The following SLC30A5 variants were observed in gnomAD, a reference collection of about 807,000 sequenced individuals.
SLC30A5 encodes the protein proton-coupled zinc antiporter SLC30A5.
In SLC30A5, 33 loss-of-function variants were observed where a neutral mutation model predicts 79.6. The ratio of observed to expected loss-of-function variants is 0.41; its 90% CI spans 0.31 to 0.55. The LOEUF (loss-of-function observed/expected upper bound fraction) is 0.55, where lower values mean the gene tolerates loss of function less well. Among genes scored for constraint, SLC30A5 ranks in the 20% least tolerant of loss-of-function variants. SLC30A5 has a pLI of 0.20. For missense variants in SLC30A5, 788 were observed against 928.1 expected (o/e 0.85, Z 1.96); for synonymous variants, 299 against 319.7 (o/e 0.94, Z 0.69).
intron 1 of SLC30A5, among the ~76,000 whole-genome samples, chr5:69,096,439 G>A (rs1745733865): frequency 6.6e-6 from 1 of 152,134 alleles, no homozygotes; most frequent in Non-Finnish European, 1.5e-5. Context: ...TATTTTATTT[G>A]TACTACTTAC....
At chr5:69,122,729 A>T (rs574094791) in intron 13 of SLC30A5, among the ~76,000 whole-genome samples, 60 of 152,352 alleles carry the variant, frequency 3.9e-4, no homozygotes, top group African/African-American at 1.4e-3. Flanking sequence ...AGTCCTTTTC[A>T]TAGTGACAGC....
chr5:69,119,227 A>ACTTTTTTTCTTTCTTTTTTT (rs1561296605), intron 12 of SLC30A5, among the ~76,000 whole-genome samples: 1 of 150,732 alleles, frequency 6.6e-6, no homozygotes, highest in Non-Finnish European at 1.5e-5. Flanking sequence ...TATGTGAAAT[A>ACTTTTTTTCTTTCTTTTTTT]CTTTTTTTCT....
At chr5:69,096,563 C>A (rs182051193) in intron 1 of SLC30A5, among the ~76,000 whole-genome samples, 1 of 152,046 alleles carries the variant, frequency 6.6e-6, no homozygotes, top group African/African-American at 2.4e-5. Flanking sequence ...AGGTCCTGGA[C>A]GGAAAATGTG....
chr5:69,104,744 G>A (rs766994157), intron 4 of SLC30A5, 28 bp downstream of exon 4: 11 of 1,591,360 alleles, frequency 6.9e-6, no homozygotes, highest in Non-Finnish European at 9.4e-6. Context: ...TTTTGAATGT[G>A]TGTTTGTATT....
intron 14 of SLC30A5, among the ~76,000 whole-genome samples, chr5:69,127,416 C>T (rs186708122): frequency 2.5e-3 from 368 of 149,312 alleles, no homozygotes; most frequent in African/African-American, 8.8e-3. Context: ...ATTGCCTGAA[C>T]TCAGGAGTTC....
In SLC30A5 at chr5:69,130,956, AAT is replaced by A. The variant is rs1197836503; in HGVS notation, c.*1344_*1345del. On this transcript the variant is annotated 3_prime_UTR_variant, in exon 16 of 16. Coordinates refer to ENST00000396591, the MANE Select transcript of SLC30A5 (RefSeq NM_022902.5). Reference sequence around the variant, plus strand: ...ATCATATTTTTGTCTTACCAATTTTAATATATGAGGGGTTTTAGAAATTTGTT... The same window carrying A: ...ATCATATTTTTGTCTTACCAATTTTAATATGAGGGGTTTTAGAAATTTGTT... 6.6e-6 allele frequency: 1 copy of A among 152,124 alleles called. No individual in the cohort carries two copies. The allele number at this position is 152,124 out of a possible 1,614,324, so 9.4% of individuals were successfully genotyped here.
intron 15 of SLC30A5, 36 bp from the exon 16 acceptor site, chr5:69,129,411 T>A (rs778220275): frequency 6.5e-7 from 1 of 1,540,682 alleles, no homozygotes. Flanking sequence ...AATGCATTAC[T>A]CTAAATGCTT....
chr5:69,097,726 A>T (rs1278595861), intron 1 of SLC30A5, among the ~76,000 whole-genome samples: 1 of 151,944 alleles, frequency 6.6e-6, no homozygotes, highest in Non-Finnish European at 1.5e-5. Flanking sequence ...TTTAGTAGAG[A>T]TGAGGTCTTG....
intron 5 of SLC30A5, among the ~76,000 whole-genome samples, chr5:69,110,189 A>G (rs1210915610): frequency 1.3e-5 from 2 of 152,176 alleles, no homozygotes; most frequent in African/African-American, 4.8e-5. Flanking sequence ...GCCTTCAGCC[A>G]AAATATCCTT....
At chr5:69,103,168 C>A in intron 3 of SLC30A5, 40 bp downstream of exon 3, 4 of 1,101,856 alleles carry the variant, frequency 3.6e-6, no homozygotes, top group South Asian at 1.3e-5. Flanking sequence ...AGCAGCTTCT[C>A]GTTTAGTGGG....
At chr5:69,113,043 A>T in intron 5 of SLC30A5, 97 bp from the exon 6 acceptor site, 1 of 941,190 alleles carries the variant, frequency 1.1e-6, no homozygotes, top group Non-Finnish European at 1.6e-6. Context: ...GTAAATGCTT[A>T]CTTGAGAAAA....
intron 11 of SLC30A5, among the ~76,000 whole-genome samples, chr5:69,117,946 C>T (rs921427081): frequency 1.4e-4 from 21 of 150,076 alleles, no homozygotes; most frequent in African/African-American, 4.9e-4. Flanking sequence ...GAGGCCGAGG[C>T]GGGCGGATCA....
chr5:69,107,006 A>C (rs1283207117), intron 4 of SLC30A5, among the ~76,000 whole-genome samples: 3 of 151,966 alleles, frequency 2.0e-5, no homozygotes, highest in Non-Finnish European at 2.9e-5. Context: ...CTGGGACTAC[A>C]GGTGCCTACC....
intron 14 of SLC30A5, among the ~76,000 whole-genome samples, chr5:69,125,671 T>TAA (rs879281800): frequency 6.7e-6 from 1 of 148,552 alleles, no homozygotes; most frequent in South Asian, 2.1e-4. Flanking sequence ...CCGTCTCTAC[T>TAA]AAAAAAAAAT....
intron 14 of SLC30A5, chr5:69,123,652 ATGGATGAGATTTTCT>A (rs1746595876): frequency 2.4e-6 from 1 of 420,034 alleles, no homozygotes; most frequent in South Asian, 3.0e-5. Context: ...GACCGAATAG[ATGGATGAGATTTTCT>A]TGGATGAGAA....
chr5:69,126,272 T>C (rs997119465), intron 14 of SLC30A5, among the ~76,000 whole-genome samples: 7 of 152,158 alleles, frequency 4.6e-5, no homozygotes, highest in African/African-American at 1.7e-4. Context: ...ACCTCATAGT[T>C]ATTGGATAGT....
At chr5:69,096,849 A>G (rs1328175193) in intron 1 of SLC30A5, among the ~76,000 whole-genome samples, 1 of 151,962 alleles carries the variant, frequency 6.6e-6, no homozygotes, top group African/African-American at 2.4e-5. Flanking sequence ...AGTTCCAGCT[A>G]CTTGGGAGGC....
At chr5:69,107,363 C>T (rs1309182329) in intron 4 of SLC30A5, among the ~76,000 whole-genome samples, 2 of 152,168 alleles carry the variant, frequency 1.3e-5, no homozygotes, top group African/African-American at 4.8e-5. Flanking sequence ...AGCTATTTTA[C>T]AGTTAACTTT....
intron 5 of SLC30A5, among the ~76,000 whole-genome samples, chr5:69,110,398 G>A (rs1395991191): frequency 6.6e-6 from 1 of 152,186 alleles, no homozygotes; most frequent in Admixed American, 6.5e-5. Flanking sequence ...GAAGGGAGAT[G>A]AATGAAGTAA....
Sources: gnomAD v4.1 joint callset for allele counts (sites outside exome capture counted in the v4.1 genomes callset) on GRCh38, gnomAD v4.1.1 for gene constraint, MANE v1.5 for transcripts, NCBI Gene and HGNC (gene_info 2026-07-23, HGNC 2026-07-21) for gene names.